The following PTPN3 variants were observed in gnomAD, a reference collection of about 807,000 sequenced individuals.
PTPN3 encodes protein tyrosine phosphatase non-receptor type 3.
PTPN3 carries 96 observed loss-of-function variants against 132.7 expected under a neutral mutation model. That is an observed-to-expected ratio of 0.72 (90% CI 0.61 to 0.86). PTPN3 has a LOEUF of 0.86. Ranked by LOEUF, PTPN3 falls within the 40% of genes least tolerant of loss-of-function variation. The probability of loss-of-function intolerance (pLI) is 0.00; values close to 1 mark genes in which losing one functional copy is unlikely to be tolerated. For missense variants in PTPN3, 1,125 were observed against 1,159.6 expected, an observed-to-expected ratio of 0.97 and a Z score of 0.43; for synonymous variants, 398 against 429.0, an observed-to-expected ratio of 0.93 and a Z score of 0.89.
rs1481746571 is a variant in PTPN3, at chr9:109,485,797, G to A, written c.-18+12422C>T. ...ACGAGAGGGAACCCCTTTGCAGTGT[G>A]TACCTCTTTAAAGGAAAAACATTCT... On this transcript the variant is annotated intron_variant, in intron 1 of 25. Transcript: ENST00000374541. 3.3e-5 allele frequency among the ~76,000 whole-genome samples: 5 copies of A among 152,252 alleles called. No individual in the cohort carries two copies. The East Asian group carries it at 9.7e-4, about 29-fold the overall frequency.
At position 109,404,472 on chromosome 9, in the gene PTPN3, G is replaced by A. The variant is rs1045299050; in HGVS notation, c.1929C>T (p.Ser643=). 2.3e-5 allele frequency: 35 copies of A among 1,499,832 alleles called. No homozygotes were observed. Among genetic ancestry groups the A allele is most frequent in the East Asian group, 1.9e-4 (8 of 41,892 alleles). 92.9% of individuals were successfully genotyped at this position (1,499,832 alleles called of 1,614,324 possible). A position where few individuals can be genotyped will look rare whatever the true frequency, so the allele number is the denominator to read the frequency against. ...CCTCAAACTGGATCAGCACCGTCCC[G>A]CTTTCGAGGCCCTTCTTTAGCTGTG... ...SMAQLKKGLE[S]GTVLIQFEQL... is the part of the protein sequence containing the mutation. The change falls in exon 19 of 26, where the codon AGC becomes AGT. Residue 643 remains serine (S), a synonymous_variant. Transcript: ENST00000374541.
chr9:109,483,888 G>A (rs905181320), intron 1 of PTPN3, among the ~76,000 whole-genome samples: 4 of 152,100 alleles, frequency 2.6e-5, no homozygotes, highest in South Asian at 2.1e-4. Flanking sequence ...GATGAATGCC[G>A]CTCAAAGTGC....
chr9:109,482,052 T>G (rs758904117), intron 1 of PTPN3, among the ~76,000 whole-genome samples: 77 of 152,328 alleles, frequency 5.1e-4, no homozygotes, highest in Non-Finnish European at 9.0e-4. Context: ...GCTTAAGAAA[T>G]GTGTGTGAAA....
At chr9:109,519,311 G>C in the PTPN3 span, among the ~76,000 whole-genome samples, 4 of 152,194 alleles carry the variant, frequency 2.6e-5, no homozygotes, top group Non-Finnish European at 5.9e-5. Context: ...CAAGCTTTGT[G>C]TTAGATGATT....
chr9:109,389,530 T>C, intron 21 of PTPN3, 151 bp from the exon 22 acceptor site: 2 of 845,324 alleles, frequency 2.4e-6, no homozygotes, highest in Non-Finnish European at 3.5e-6. Context: ...TCAAACAAGT[T>C]ATTTCTAAAA....
chr9:109,420,395 C>G (rs2131836149), intron 14 of PTPN3, 29 bp downstream of exon 14: 1 of 1,560,214 alleles, frequency 6.4e-7, no homozygotes, highest in Non-Finnish European at 8.7e-7. Context: ...AAGCAAATAC[C>G]CAGAAATAAA....
chr9:109,538,300 T>C, the PTPN3 span, among the ~76,000 whole-genome samples: 188 of 152,360 alleles, frequency 1.2e-3, no homozygotes, highest in African/African-American at 4.3e-3. Context: ...TACTGGAGAA[T>C]TGAATGCTGT....
chr9:109,472,240 T>C (rs1458951689), intron 1 of PTPN3, among the ~76,000 whole-genome samples: 1 of 152,230 alleles, frequency 6.6e-6, no homozygotes, highest in Non-Finnish European at 1.5e-5. Flanking sequence ...TCAAATGAGT[T>C]CACATCATTC....
At chr9:109,422,919 T>G (rs925566299) in intron 12 of PTPN3, 67 bp from the exon 13 acceptor site, 4 of 1,550,332 alleles carry the variant, frequency 2.6e-6, no homozygotes, top group Non-Finnish European at 2.7e-6. Flanking sequence ...ACTGCATGTG[T>G]GAAACAGTCT....
chr9:109,438,193 A>G lies in PTPN3; in HGVS notation c.508T>C (p.Tyr170His). The G allele has an allele frequency of 6.2e-7, 1 of 1,613,400 alleles. No individual in the cohort carries two copies. Among genetic ancestry groups the G allele is most frequent in the Non-Finnish European group, 8.5e-7 (1 of 1,179,332 alleles). Residue 170 changes from tyrosine (Y) to histidine (H), a missense_variant, in exon 8 of 26, where the codon TAT becomes CAT. Transcript: ENST00000374541. ...DYNSSIHHPG[Y>H]LSDSHFIPDQ... ...GGTATAAAGTGACTATCGGAAAGATAGCCTGGATGATGTATGGAAGAATTA... is the reference window on the plus strand; with the variant it reads ...GGTATAAAGTGACTATCGGAAAGATGGCCTGGATGATGTATGGAAGAATTA...
intron 5 of PTPN3, 47 bp from the exon 6 acceptor site, chr9:109,448,902 C>CAAAAAA (rs35966698): frequency 1.5e-6 from 2 of 1,292,500 alleles, no homozygotes; most frequent in Non-Finnish European, 9.8e-7. Context: ...CTGAAATAAG[C>CAAAAAA]AAAAAAAAAA....
intron 1 of PTPN3, among the ~76,000 whole-genome samples, chr9:109,488,003 A>G (rs1588505326): frequency 6.6e-6 from 1 of 152,054 alleles, no homozygotes; most frequent in African/African-American, 2.4e-5. Flanking sequence ...TTCAGTTCTG[A>G]CACTGTGTGA....
At chr9:109,536,072 T>C in the PTPN3 span, among the ~76,000 whole-genome samples, 5 of 152,338 alleles carry the variant, frequency 3.3e-5, no homozygotes, top group African/African-American at 1.2e-4. Flanking sequence ...TCTGTCTCTA[T>C]GGATTTGCCT....
chr9:109,516,584 C>T, the PTPN3 span, among the ~76,000 whole-genome samples: 6 of 152,070 alleles, frequency 3.9e-5, no homozygotes, highest in East Asian at 1.2e-3. Flanking sequence ...CAGGCATAGC[C>T]AGGTGTACAC....
At chr9:109,431,040 G>C (rs1321159596) in intron 10 of PTPN3, among the ~76,000 whole-genome samples, 1 of 152,228 alleles carries the variant, frequency 6.6e-6, no homozygotes, top group Non-Finnish European at 1.5e-5. Flanking sequence ...CACCTCCCTT[G>C]TCACCCTGGG....
chr9:109,525,882 C>T, the PTPN3 span, among the ~76,000 whole-genome samples: 6 of 152,042 alleles, frequency 3.9e-5, no homozygotes, highest in African/African-American at 1.4e-4. Context: ...GTTATTTGTT[C>T]ATTATACTTC....
At chr9:109,537,554 A>G in the PTPN3 span, among the ~76,000 whole-genome samples, 1 of 151,020 alleles carries the variant, frequency 6.6e-6, no homozygotes. Flanking sequence ...ATGGCTTGAA[A>G]TTATGACATC....
At chr9:109,389,866 G>C (rs1298480810) in intron 21 of PTPN3, among the ~76,000 whole-genome samples, 1 of 152,124 alleles carries the variant, frequency 6.6e-6, no homozygotes, top group East Asian at 1.9e-4. Flanking sequence ...TCATGAAGTT[G>C]GTCAATCTTG....
upstream of PTPN3, among the ~76,000 whole-genome samples, chr9:109,500,921 C>G (rs1229401895): frequency 7.2e-6 from 1 of 138,472 alleles, no homozygotes; most frequent in East Asian, 2.2e-4. Context: ...GAGCGAGATT[C>G]TGTCTCAAAT....
Sources: allele counts gnomAD v4.1 joint callset (sites outside exome capture counted in the v4.1 genomes callset), GRCh38; gene constraint gnomAD v4.1.1; transcripts MANE v1.5; gene names NCBI Gene and HGNC (gene_info 2026-07-23, HGNC 2026-07-21).